ACOXL: variants seen among roughly 807,000 people sequenced by gnomAD.
ACOXL encodes acyl-CoA oxidase like.
A neutral mutation model predicts 71.9 loss-of-function variants in ACOXL; 70 were observed. The observed-to-expected ratio is 0.97, with a 90% CI of 0.80 to 1.19. The LOEUF (loss-of-function observed/expected upper bound fraction) is 1.19. Ranked by LOEUF, ACOXL falls within the 50% of genes most tolerant of loss-of-function variation. The pLI is 0.00. For missense variants in ACOXL, 703 were observed against 736.3 expected, an observed-to-expected ratio of 0.95 and a Z score of 0.52; for synonymous variants, 253 against 281.6, an observed-to-expected ratio of 0.90 and a Z score of 1.02.
chr2:110,953,329 T>TAC (rs2061390681), intron 12 of ACOXL, among the ~76,000 whole-genome samples: 1 of 143,986 alleles, frequency 6.9e-6, no homozygotes. Context: ...ATTACTTTTA[T>TAC]ACATATATAT....
At chr2:110,824,149 C>T (rs904383494) in intron 9 of ACOXL, among the ~76,000 whole-genome samples, 1 of 152,166 alleles carries the variant, frequency 6.6e-6, no homozygotes, top group African/African-American at 2.4e-5. Flanking sequence ...TGTCTATATA[C>T]AAATATAGTC....
chr2:111,050,659 G>A (rs1345322891), intron 16 of ACOXL, among the ~76,000 whole-genome samples: 1 of 152,074 alleles, frequency 6.6e-6, no homozygotes, highest in East Asian at 1.9e-4. Context: ...ATTTGCAGGA[G>A]GTGAAGCTCC....
chr2:110,829,501 A>C (rs1689570948), intron 9 of ACOXL, among the ~76,000 whole-genome samples: 1 of 152,214 alleles, frequency 6.6e-6, no homozygotes, highest in African/African-American at 2.4e-5. Context: ...AGGATGTACT[A>C]TCACCAATGT....
At chr2:110,762,951 CT>C (rs1232967036) in intron 1 of ACOXL, among the ~76,000 whole-genome samples, 2 of 152,184 alleles carry the variant, frequency 1.3e-5, no homozygotes, top group Admixed American at 6.5e-5. Flanking sequence ...CCCACTGCCC[CT>C]GGCCAAATTG....
intron 13 of ACOXL, among the ~76,000 whole-genome samples, chr2:110,988,075 C>T (rs561988650): frequency 1.1e-4 from 17 of 152,300 alleles, no homozygotes; most frequent in Admixed American, 3.9e-4. Context: ...TGGCTACCTT[C>T]CTATTTATTA....
At chr2:111,111,502 T>C (rs2069957066) in intron 17 of ACOXL, among the ~76,000 whole-genome samples, 1 of 152,238 alleles carries the variant, frequency 6.6e-6, no homozygotes, top group African/African-American at 2.4e-5. Context: ...CTGTAGAAAA[T>C]GCTACTATGA....
At chr2:110,805,594 A>G (rs1172176953) in intron 9 of ACOXL, among the ~76,000 whole-genome samples, 199 bp downstream of exon 9, 3 of 152,206 alleles carry the variant, frequency 2.0e-5, no homozygotes, top group African/African-American at 4.8e-5. Flanking sequence ...GCTCCCACCC[A>G]TCTACATCCC....
At chr2:111,049,378 A>G (rs2066171576) in intron 16 of ACOXL, 90 bp downstream of exon 16, 2 of 1,015,336 alleles carry the variant, frequency 2.0e-6, no homozygotes, top group African/African-American at 3.2e-5. Flanking sequence ...GCGGGAGTAA[A>G]TTTATCATGT....
At chr2:110,963,589 G>A in intron 12 of ACOXL, 2 of 1,528,236 alleles carry the variant, frequency 1.3e-6, no homozygotes, top group South Asian at 1.2e-5. Context: ...GTGTGTGTGT[G>A]TGTGTGTGTG....
At chr2:110,781,543 G>C (rs1397432885) in intron 2 of ACOXL, among the ~76,000 whole-genome samples, 1 of 152,092 alleles carries the variant, frequency 6.6e-6, no homozygotes, top group Non-Finnish European at 1.5e-5. Context: ...TCGGGAAGCT[G>C]AGGCAGGAGA....
intron 12 of ACOXL, chr2:110,968,235 CA>C: frequency 2.8e-6 from 3 of 1,069,166 alleles, no homozygotes; most frequent in South Asian, 2.5e-5. Flanking sequence ...ATGTGGAAAA[CA>C]TTGATGGTCA....
chr2:110,983,410 G>A (rs2062800465), intron 12 of ACOXL, among the ~76,000 whole-genome samples: 1 of 152,210 alleles, frequency 6.6e-6, no homozygotes, highest in Non-Finnish European at 1.5e-5. Flanking sequence ...CAAACTCACA[G>A]TTTCCAAATG....
rs544346022 is a variant in ACOXL at position 110,879,249 on chromosome 2, G to C, written c.789-29540G>C. On this transcript the variant is annotated intron_variant, in intron 10 of 17. Transcript: ENST00000439055. ...AGCCCACATCCAATCCCATTGTATT[G>C]AACTGAAGAGCAGGTTGCCCAAGAG... is the stretch of plus-strand genomic sequence containing the variant. Among the ~76,000 whole-genome samples, 18 of 152,210 alleles carry C rather than the reference G, an allele frequency of 1.2e-4. No homozygotes were observed. In the South Asian group the frequency reaches 3.5e-3, roughly 30 times the overall value.
chr2:110,882,115 A>C (rs1287210863), intron 10 of ACOXL, among the ~76,000 whole-genome samples: 1 of 152,048 alleles, frequency 6.6e-6, no homozygotes, highest in Non-Finnish European at 1.5e-5. Flanking sequence ...GTTGCTCCAC[A>C]CTCTCAACAA....
chr2:110,946,288 C>T (rs1372170940), intron 12 of ACOXL, among the ~76,000 whole-genome samples: 1 of 152,150 alleles, frequency 6.6e-6, no homozygotes, highest in Non-Finnish European at 1.5e-5. Flanking sequence ...TTGGGTAGAT[C>T]CTACGAGGTT....
chr2:110,818,831 T>TCTCCAGGACAGTCAAGG (rs1231379942), intron 9 of ACOXL, among the ~76,000 whole-genome samples: 2 of 127,608 alleles, frequency 1.6e-5, no homozygotes, highest in African/African-American at 2.5e-5. Context: ...CAGGTGCTGA[T>TCTCCAGGACAGTCAAGG]GTCAGCACCC....
chr2:110,963,096 G>GA (rs202162925), intron 12 of ACOXL, among the ~76,000 whole-genome samples: 27 of 150,328 alleles, frequency 1.8e-4, no homozygotes, highest in Admixed American at 2.6e-4. Context: ...GAAGTAAAAG[G>GA]AAAAAAAAAT....
chr2:110,886,890 C>A, intron 10 of ACOXL: 1 of 1,547,156 alleles, frequency 6.5e-7, no homozygotes, highest in Non-Finnish European at 8.7e-7. Flanking sequence ...ACGTTTCTTA[C>A]GCTTGCTCGT....
rs117407254 is a variant in ACOXL, at chr2:110,986,044, C to T, written c.1060-1064C>T. ...CTATGCTATTTGTCTGCTTATATTG[C>T]TATCAAGGTTATTATGACAATGTAA... On this transcript the variant is annotated intron_variant, in intron 12 of 17. Coordinates refer to ENST00000439055, the MANE Select transcript of ACOXL (RefSeq NM_001142807.4). 5.8e-4 allele frequency among the ~76,000 whole-genome samples: 88 copies of T among 152,254 alleles called. 1 individual carries two copies. The East Asian group carries it at 0.016, about 27-fold the overall frequency.
Sources: allele counts gnomAD v4.1 joint callset (sites outside exome capture counted in the v4.1 genomes callset), GRCh38; gene constraint gnomAD v4.1.1; transcripts MANE v1.5; gene names NCBI Gene and HGNC (gene_info 2026-07-23, HGNC 2026-07-21).